The following DCAF10 variants were observed in gnomAD, a reference collection of about 807,000 sequenced individuals.
DCAF10 encodes the protein DDB1- and CUL4-associated factor 10.
DCAF10 carries 19 observed loss-of-function variants against 51.9 expected under a neutral mutation model. The observed-to-expected ratio is 0.37, with a 90% CI of 0.26 to 0.54. DCAF10 has a LOEUF of 0.54. Ranked by LOEUF, DCAF10 falls within the 20% of genes least tolerant of loss-of-function variation. The pLI is 0.87. For synonymous variants in DCAF10, 291 were observed against 297.1 expected, an observed-to-expected ratio of 0.98 and a Z score of 0.21; for missense variants, 510 against 730.6, an observed-to-expected ratio of 0.70 and a Z score of 3.48.
rs755644682 is a variant in DCAF10, at chr9:37,800,846, C to G, written c.-21C>G. 1 of 1,483,158 alleles carries G rather than the reference C, an allele frequency of 6.7e-7. No individual in the cohort carries two copies. Among genetic ancestry groups the G allele is most frequent in the South Asian group, 1.3e-5 (1 of 74,802 alleles). 91.9% of individuals were successfully genotyped at this position (1,483,158 alleles called of 1,614,324 possible). A position where few individuals can be genotyped will look rare whatever the true frequency, so the allele number is the denominator to read the frequency against. ...CGGCCGGCGGGGCAGTGGCCCGGAG[C>G]GGGGGGCGGGGGCGTTGATCATGTT... On this transcript the variant is annotated 5_prime_UTR_variant, in exon 1 of 7. Transcript: ENST00000377724.
rs1416992768 is a variant in DCAF10 at position 37,866,394 on chromosome 9, AAT to A, written c.*4889_*4890del. ...TCATAAAATGTAAAGGGCTATAACA[AAT>A]ATGTTATAAAGTGATTCTCTCAGCC... On this transcript the variant is annotated 3_prime_UTR_variant, in exon 7 of 7. Transcript: ENST00000377724. 1.3e-5 allele frequency: 2 copies of A among 152,528 alleles called. No individual in the cohort carries two copies. The highest frequency in any genetic ancestry group is 2.4e-5 in the African/African-American group (1 of 41,440). The allele number at this position is 152,528 out of a possible 1,614,324, so 9.4% of individuals were successfully genotyped here.
intron 3 of DCAF10, among the ~76,000 whole-genome samples, chr9:37,847,621 T>C (rs965714301): frequency 1.3e-5 from 2 of 152,220 alleles, no homozygotes; most frequent in Non-Finnish European, 2.9e-5. Context: ...TCACCACTTT[T>C]TTTTGAAATT....
intron 2 of DCAF10, 70 bp downstream of exon 2, chr9:37,819,471 A>G (rs1211688633): frequency 3.5e-5 from 40 of 1,152,038 alleles, no homozygotes; most frequent in Non-Finnish European, 4.9e-5. Context: ...AAGTTAGTGA[A>G]AATGAAAATG....
chr9:37,817,192 T>C (rs1230569497), intron 1 of DCAF10, among the ~76,000 whole-genome samples: 2 of 152,248 alleles, frequency 1.3e-5, no homozygotes, highest in Non-Finnish European at 2.9e-5. Flanking sequence ...TAAAAAAATA[T>C]GTATATTTTA....
At chr9:37,846,828 A>G (rs1830487753) in intron 3 of DCAF10, among the ~76,000 whole-genome samples, 1 of 152,306 alleles carries the variant, frequency 6.6e-6, no homozygotes, top group Non-Finnish European at 1.5e-5. Flanking sequence ...TAATTCTACC[A>G]AATATTTACA....
intron 1 of DCAF10, among the ~76,000 whole-genome samples, chr9:37,814,295 C>T (rs1405172889): frequency 1.4e-5 from 2 of 143,318 alleles, no homozygotes; most frequent in Non-Finnish European, 3.0e-5. Flanking sequence ...TGTGCCACCA[C>T]GCCGGCTTTT....
chr9:37,840,559 G>A (rs1564041444), intron 2 of DCAF10, among the ~76,000 whole-genome samples: 1 of 152,206 alleles, frequency 6.6e-6, no homozygotes, highest in East Asian at 1.9e-4. Context: ...GTTGTACAAT[G>A]TGTTTGTGTT....
chr9:37,828,774 A>G (rs531423970), intron 2 of DCAF10, among the ~76,000 whole-genome samples: 1 of 152,298 alleles, frequency 6.6e-6, no homozygotes, highest in South Asian at 2.1e-4. Context: ...GGAAATGGAA[A>G]AGAGAGGTTT....
rs149631649 is a variant in DCAF10, at chr9:37,866,310, TAA to T, written c.*4804_*4805del. ...AATTCACATTTTCATGATGAAAAGT[TAA>T]AGTTATATTCATAATGTATTATTAT... is the stretch of plus-strand genomic sequence containing the variant. On this transcript the variant is annotated 3_prime_UTR_variant, in exon 7 of 7. Transcript: ENST00000377724. 54 of 152,770 alleles carry T rather than the reference TAA, an allele frequency of 3.5e-4. No homozygotes were observed. Among genetic ancestry groups the T allele is most frequent in the African/African-American group, 1.2e-3 (49 of 41,586 alleles). 9.5% of individuals were successfully genotyped at this position (152,770 alleles called of 1,614,324 possible).
intron 3 of DCAF10, among the ~76,000 whole-genome samples, chr9:37,846,874 G>A (rs1261157684): frequency 2.6e-5 from 4 of 152,076 alleles, no homozygotes; most frequent in African/African-American, 9.7e-5. Context: ...AACTCTTCCA[G>A]AATATAGAGG....
At chr9:37,815,986 G>T (rs571179639) in intron 1 of DCAF10, among the ~76,000 whole-genome samples, 27 of 152,216 alleles carry the variant, frequency 1.8e-4, no homozygotes, top group Admixed American at 1.6e-3. Context: ...TAGAGACAAG[G>T]TCTCACTGTG....
At chr9:37,845,624 T>C (rs1453699750) in intron 3 of DCAF10, among the ~76,000 whole-genome samples, 2 of 152,190 alleles carry the variant, frequency 1.3e-5, no homozygotes, top group Admixed American at 6.5e-5. Flanking sequence ...AATTCGTAAA[T>C]AGGCACTGCC....
chr9:37,804,486 G>C (rs1255203750), intron 1 of DCAF10, among the ~76,000 whole-genome samples: 1 of 152,032 alleles, frequency 6.6e-6, no homozygotes, highest in African/African-American at 2.4e-5. Flanking sequence ...AAAAGACAGA[G>C]GAAAAAGGGG....
At position 37,857,337 on chromosome 9, in the gene DCAF10, C is replaced by T. The variant is rs1371159370; in HGVS notation, c.1151C>T (p.Ala384Val). 6.2e-7 allele frequency: 1 copy of T among 1,602,722 alleles called. No individual in the cohort carries two copies. The highest frequency in any genetic ancestry group is 2.3e-5 in the East Asian group (1 of 44,442). ...TCTTCTGAGAAACACATGTCACGAG[C>T]CTCTCAAAGAGAAGGTAGGTTAAAA... ...SNSSEKHMSRASQREGVSPRN... is the reference protein window; with the variant it reads ...SNSSEKHMSRVSQREGVSPRN... The change falls in exon 5 of 7, where the codon GCC becomes GTC. Residue 384 changes from alanine (A) to valine (V), a missense_variant. By Grantham distance (64) the Ala-to-Val change is moderately conservative (BLOSUM62 0). Transcript: ENST00000377724.
intron 6 of DCAF10, 84 bp downstream of exon 6, chr9:37,860,277 G>C (rs1830976341): frequency 6.4e-7 from 1 of 1,550,494 alleles, no homozygotes; most frequent in Admixed American, 1.8e-5. Context: ...GCCGATCGCT[G>C]ACTGCAGTCT....
intron 2 of DCAF10, among the ~76,000 whole-genome samples, chr9:37,837,377 T>C (rs113174051): frequency 1.9e-4 from 28 of 149,372 alleles, no homozygotes; most frequent in African/African-American, 6.9e-4. Flanking sequence ...GAGAATCCCT[T>C]GAACCTGGGA....
rs755067836 is a variant in DCAF10, at chr9:37,866,711, T to C, written c.*5203T>C. 30 of 152,718 alleles carry C rather than the reference T, an allele frequency of 2.0e-4. No homozygotes were observed. The highest frequency in any genetic ancestry group is 2.6e-4 in the Non-Finnish European group (18 of 68,018). The allele number at this position is 152,718 out of a possible 1,614,324, so 9.5% of individuals were successfully genotyped here. A position where few individuals can be genotyped will look rare whatever the true frequency, so the allele number is the denominator to read the frequency against. On this transcript the variant is annotated 3_prime_UTR_variant, in exon 7 of 7. Transcript: ENST00000377724. Reference sequence around the variant, plus strand: ...AGGTTCACAGTAACCTTCTAGATAATAGAAACTCCCAGTTAAAGCCTAGGC... The same window carrying C: ...AGGTTCACAGTAACCTTCTAGATAACAGAAACTCCCAGTTAAAGCCTAGGC...
intron 1 of DCAF10, among the ~76,000 whole-genome samples, chr9:37,817,732 C>T (rs1033965164): frequency 6.6e-6 from 1 of 150,476 alleles, no homozygotes; most frequent in African/African-American, 2.5e-5. Context: ...GTGATCCCAT[C>T]TCCACCAAAA....
chr9:37,839,871 G>T (rs1279532751), intron 2 of DCAF10, among the ~76,000 whole-genome samples: 1 of 152,094 alleles, frequency 6.6e-6, no homozygotes, highest in South Asian at 2.1e-4. Context: ...CATTTATTTT[G>T]TAAGTATTTG....
Sources: gnomAD v4.1 joint callset for allele counts (sites outside exome capture counted in the v4.1 genomes callset) on GRCh38, gnomAD v4.1.1 for gene constraint, MANE v1.5 for transcripts, NCBI Gene and HGNC (gene_info 2026-07-23, HGNC 2026-07-21) for gene names.